GLB1L2: variants seen among roughly 807,000 people sequenced by gnomAD.
GLB1L2 encodes galactosidase beta 1 like 2.
Under a neutral mutation model 84.1 loss-of-function variants are expected in GLB1L2, and 68 were observed. The observed-to-expected ratio is 0.81, with a 90% confidence interval of 0.67 to 0.99. The LOEUF is 0.99. GLB1L2 is among the 50% of genes least tolerant of loss of function. The pLI is 0.00. For missense variants in GLB1L2, 762 were observed against 805.6 expected (o/e 0.95, Z 0.66); for synonymous variants, 290 against 318.0 (o/e 0.91, Z 0.94).
rs997587284 is a variant in GLB1L2, at chr11:134,338,071, G to A, written c.87-4683G>A. ...CTTGCGTATGCTGGTGGCCAGCCTC[G>A]GACTGCGTGAGTGCTGCCTGGTCTC... On this transcript the variant is annotated intron_variant, in intron 1 of 18. Transcript: ENST00000535456. This position sits in a 1 kb window ranked among gnomAD's most constrained non-coding sequence, Gnocchi z 6.2. Among the ~76,000 whole-genome samples the A allele has an allele frequency of 2.0e-5, 3 of 152,142 alleles. No homozygotes were observed. Among genetic ancestry groups the A allele is most frequent in the Non-Finnish European group, 2.9e-5 (2 of 68,034 alleles).
At chr11:134,352,896 C>T (rs1369374524) in intron 5 of GLB1L2, among the ~76,000 whole-genome samples, 1 of 152,100 alleles carries the variant, frequency 6.6e-6, no homozygotes, top group Admixed American at 6.5e-5. Flanking sequence ...GATCCGCCCG[C>T]CTTGGCCTCC....
chr11:134,332,546 C>G (rs1313336745), intron 1 of GLB1L2, among the ~76,000 whole-genome samples: 1 of 152,176 alleles, frequency 6.6e-6, no homozygotes, highest in Admixed American at 6.5e-5. Context: ...CCAGGCCCCC[C>G]TTTTCCTCCC....
rs1446653008 is a variant in GLB1L2, at chr11:134,370,736, C to T, written c.1216-272C>T. ...AGTGAGGGGCAGAGGAACAGGCCGT[C>T]CCCTCCCCAAGAAGGGGGTGCCTCC... On this transcript the variant is annotated intron_variant, in intron 12 of 18. Transcript: ENST00000535456. This position sits in a 1 kb window ranked among gnomAD's most constrained non-coding sequence, Gnocchi z 4.7. Among the ~76,000 whole-genome samples the T allele has an allele frequency of 2.0e-5, 3 of 152,164 alleles. No homozygotes were observed. The highest frequency in any genetic ancestry group is 6.5e-5 in the Admixed American group (1 of 15,290).
At position 134,375,029 on chromosome 11, in the gene GLB1L2, C is replaced by T. The variant is rs369197018; in HGVS notation, c.1882C>T (p.His628Tyr). The stretch of plus-strand genomic sequence containing the variant: ...TGCATTACAGTTCACGGAAACCCCC[C>T]ACCTGGGCAGGAACCAGTACATTAA... ...GPALQFTETP[H>Y]LGRNQYIK Residue 628 changes from histidine to tyrosine, a missense_variant, in exon 19 of 19, where the codon CAC becomes TAC. His to Tyr is a moderately conservative substitution (Grantham distance 83, BLOSUM62 2). Around this residue, in one of 3 missense-constraint regions of GLB1L2, gnomAD observed 603 missense variants for 611.7 expected, o/e 0.99. Coordinates refer to ENST00000535456, the MANE Select transcript of GLB1L2 (RefSeq NM_001370461.1). 14 of 1,613,766 alleles carry T rather than the reference C, an allele frequency of 8.7e-6. No homozygotes were observed. The highest frequency in any genetic ancestry group is 8.0e-5 in the African/African-American group (6 of 74,934).
At chr11:134,374,290 C>A in intron 17 of GLB1L2, 34 bp downstream of exon 17, 1 of 1,483,172 alleles carries the variant, frequency 6.7e-7, no homozygotes, top group South Asian at 1.1e-5. Flanking sequence ...CAGTTTCTCC[C>A]ACCTGCCTCC....
At chr11:134,345,683 C>T (rs191641191) in intron 4 of GLB1L2, among the ~76,000 whole-genome samples, 79 of 152,308 alleles carry the variant, frequency 5.2e-4, no homozygotes, top group Non-Finnish European at 8.2e-4. Flanking sequence ...GTTGGCTAGG[C>T]TGGTCTGGAA....
chr11:134,371,760 C>A lies in GLB1L2; in HGVS notation c.1437C>A (p.Thr479=). Reference sequence around the variant, plus strand: ...CCCCGTGTTCCCGGCAGGGTTACACCGTGCTGAGGATCTTGGTGGAGAATC... The same window carrying A: ...CCCCGTGTTCCCGGCAGGGTTACACAGTGCTGAGGATCTTGGTGGAGAATC... ...KIAVPLIQGY[T]VLRILVENRG... is the part of the protein sequence containing the mutation. Residue 479 remains threonine, a synonymous_variant, in exon 15 of 19, where the codon ACC becomes ACA. Coordinates refer to ENST00000535456, the MANE Select transcript of GLB1L2 (RefSeq NM_001370461.1). The A allele has an allele frequency of 6.2e-7, 1 of 1,614,028 alleles. No homozygotes were observed. The highest frequency in any genetic ancestry group is 8.5e-7 in the Non-Finnish European group (1 of 1,180,016).
At chr11:134,335,528 C>A (rs138218373) in intron 1 of GLB1L2, among the ~76,000 whole-genome samples, 48 of 152,224 alleles carry the variant, frequency 3.2e-4, no homozygotes, top group Non-Finnish European at 5.3e-4. Flanking sequence ...CTAGGAAGAT[C>A]GAGTTGGCTC....
chr11:134,344,959 C>G (rs2136266615), intron 3 of GLB1L2, 75 bp from the exon 4 acceptor site: 1 of 1,506,076 alleles, frequency 6.6e-7, no homozygotes, highest in South Asian at 1.3e-5. Context: ...CTCCTCCACC[C>G]TGTGATGCGC....
Position 134,363,792 on chromosome 11 carries a change from G to A in GLB1L2, c.734-536G>A, listed in dbSNP as rs7129837. On this transcript the variant is annotated intron_variant, in intron 7 of 18. Coordinates refer to ENST00000535456, the MANE Select transcript of GLB1L2 (RefSeq NM_001370461.1). ...ACAGTTGATTGAGATCAGGTGCACA[G>A]CGAGTGACTGCCTCTCAGCTCTGTG... is the stretch of plus-strand genomic sequence containing the variant. Among the ~76,000 whole-genome samples, 766 of 152,326 alleles carry A rather than the reference G, an allele frequency of 5.0e-3. 7 individuals are homozygous for A. The highest frequency in any genetic ancestry group is 0.017 in the African/African-American group (702 of 41,572).
intron 1 of GLB1L2, among the ~76,000 whole-genome samples, chr11:134,340,327 T>C (rs975004033): frequency 3.9e-5 from 6 of 152,168 alleles, no homozygotes; most frequent in African/African-American, 1.4e-4. Flanking sequence ...CACCACCAGG[T>C]TGTCAAAATG....
At chr11:134,335,868 AGGACTCTGG>A (rs1943378802) in intron 1 of GLB1L2, among the ~76,000 whole-genome samples, 1 of 152,166 alleles carries the variant, frequency 6.6e-6, no homozygotes, top group African/African-American at 2.4e-5. Context: ...GGACCTGAAA[AGGACTCTGG>A]GGTCTAGGCA....
At chr11:134,364,100 C>T (rs555404929) in intron 7 of GLB1L2, among the ~76,000 whole-genome samples, 19 of 152,252 alleles carry the variant, frequency 1.2e-4, no homozygotes, top group African/African-American at 4.3e-4. Context: ...AGGCTGGTCT[C>T]GAACTCCTGG....
intron 5 of GLB1L2, chr11:134,356,067 A>T: frequency 1.5e-6 from 1 of 646,292 alleles, no homozygotes; most frequent in South Asian, 1.5e-5. Context: ...TAGACACTTA[A>T]ATGGTTTCCA....
In GLB1L2 at chr11:134,334,964, C is replaced by T. The variant is rs935677889; in HGVS notation, c.86+2817C>T. Reference sequence around the variant, plus strand: ...TTTTTCCTTAATATAAATGAATCACCGAGCAAGAATACAGGCAACGCTGCA... The same window carrying T: ...TTTTTCCTTAATATAAATGAATCACTGAGCAAGAATACAGGCAACGCTGCA... On this transcript the variant is annotated intron_variant, in intron 1 of 18. Transcript: ENST00000535456. This position sits in a 1 kb window ranked among gnomAD's most constrained non-coding sequence, Gnocchi z 4.1. 5.9e-5 allele frequency among the ~76,000 whole-genome samples: 9 copies of T among 152,078 alleles called. No homozygotes were observed. The highest frequency in any genetic ancestry group is 1.0e-4 in the Non-Finnish European group (7 of 67,998).
At position 134,374,272 on chromosome 11, in the gene GLB1L2, T is replaced by A. The variant is rs201413425; in HGVS notation, c.1707+16T>A. 3 of 1,565,070 alleles carry A rather than the reference T, an allele frequency of 1.9e-6. No homozygotes were observed. The Admixed American group carries it at 5.0e-5, about 26-fold the overall frequency. ...GAAGCTGGAGGTTGGTAACGCCCTT[T>A]TCCCTGCCAGTTTCTCCCACCTGCC... On this transcript the variant is annotated intron_variant, in intron 17 of 18. Coordinates refer to ENST00000535456, the MANE Select transcript of GLB1L2 (RefSeq NM_001370461.1).
In GLB1L2 at chr11:134,370,262, G is replaced by T. The variant is rs367793087; in HGVS notation, c.1109-31G>T. On this transcript the variant is annotated intron_variant, in intron 11 of 18. Coordinates refer to ENST00000535456, the MANE Select transcript of GLB1L2 (RefSeq NM_001370461.1). The surrounding 1 kb of genome is among the most constrained non-coding windows in gnomAD (Gnocchi z 4.7). Reference sequence around the variant, plus strand: ...CGAGCAGGCAGTGACATTTGGGTCCGTTGGGGGTGACCCTGTTTTCTGTGT... The same window carrying T: ...CGAGCAGGCAGTGACATTTGGGTCCTTTGGGGGTGACCCTGTTTTCTGTGT... 2.6e-5 allele frequency: 42 copies of T among 1,588,372 alleles called. No homozygotes were observed. The East Asian group carries it at 7.4e-4, about 28-fold the overall frequency.
chr11:134,374,330 G>C, intron 17 of GLB1L2, 74 bp downstream of exon 17: 3 of 1,228,458 alleles, frequency 2.4e-6, no homozygotes, highest in Non-Finnish European at 3.6e-6. Context: ...CCAAAGCCAC[G>C]AGCTTGGCGA....
intron 6 of GLB1L2, 45 bp from the exon 7 acceptor site, chr11:134,359,015 C>G (rs759535595): frequency 1.4e-6 from 2 of 1,438,302 alleles, no homozygotes; most frequent in Non-Finnish European, 1.9e-6. Flanking sequence ...TGCAGAAGCT[C>G]TAAGGAGCCA....
Sources: gnomAD v4.1 joint callset for allele counts (sites outside exome capture counted in the v4.1 genomes callset) on GRCh38, gnomAD v4.1.1 for gene constraint, gnomAD v4.1.1 regional missense constraint, Gnocchi (gnomAD v3.1) non-coding constraint, MANE v1.5 for transcripts, NCBI Gene and HGNC (gene_info 2026-07-23, HGNC 2026-07-21) for gene names.